Variants in AIG1 observed in about 807,000 individuals in gnomAD.
The protein encoded by AIG1 is androgen induced 1, also known as androgen-induced gene 1 protein.
AIG1 carries 23 observed loss-of-function variants against 31.4 expected under a neutral mutation model. The observed-to-expected ratio is 0.73, with a 90% CI of 0.53 to 1.04. The LOEUF (loss-of-function observed/expected upper bound fraction) is 1.04, where lower values mean the gene tolerates loss of function less well. Among genes scored for constraint, AIG1 ranks in the 50% least tolerant of loss-of-function variants. AIG1 has a pLI of 0.00. For synonymous variants in AIG1, 100 were observed against 110.5 expected (o/e 0.90, Z 0.60); for missense variants, 274 against 295.0 (o/e 0.93, Z 0.52).
intron 3 of AIG1, chr6:143,187,324 A>G: frequency 7.4e-7 from 1 of 1,353,880 alleles, no homozygotes; most frequent in Non-Finnish European, 1.0e-6. Flanking sequence ...GCAAATATGA[A>G]CTAATCAGAC....
chr6:143,214,758 C>A (rs374142295), intron 3 of AIG1, among the ~76,000 whole-genome samples: 1 of 152,146 alleles, frequency 6.6e-6, no homozygotes, highest in Non-Finnish European at 1.5e-5. Context: ...CCTTCCTCCC[C>A]CTGCACACCT....
intron 3 of AIG1, among the ~76,000 whole-genome samples, chr6:143,221,310 G>A (rs1009295088): frequency 2.6e-5 from 4 of 152,092 alleles, no homozygotes; most frequent in Non-Finnish European, 4.4e-5. Flanking sequence ...TTGATCAGGA[G>A]GAACCAGGTA....
intron 1 of AIG1, among the ~76,000 whole-genome samples, chr6:143,120,533 C>T (rs930753315): frequency 6.6e-6 from 1 of 152,012 alleles, no homozygotes; most frequent in African/African-American, 2.4e-5. Context: ...GGGGAACTCC[C>T]CTTTATAAAA....
chr6:143,342,948 T>C (rs1777884828), downstream of AIG1: 3 of 968,800 alleles, frequency 3.1e-6, no homozygotes, highest in South Asian at 3.8e-5. Flanking sequence ...TCTCCTTCAG[T>C]ATAGTGAACA....
intron 3 of AIG1, among the ~76,000 whole-genome samples, chr6:143,254,445 C>A (rs1355728063): frequency 1.3e-5 from 2 of 152,078 alleles, no homozygotes; most frequent in Non-Finnish European, 2.9e-5. Context: ...GATCCCACCG[C>A]GAGGCAAAGT....
Position 143,284,946 on chromosome 6 carries a change from C to T in AIG1, c.515+721C>T, listed in dbSNP as rs1797588351. On this transcript the variant is annotated intron_variant, in intron 4 of 5. Transcript: ENST00000357847. This position sits in a 1 kb window ranked among gnomAD's most constrained non-coding sequence, Gnocchi z 4.4. ...CTTATTTCTCTTTATAATTCCAAGT[C>T]CTCTTTGACATATTAACACGCACAG... is the stretch of plus-strand genomic sequence containing the variant. Among the ~76,000 whole-genome samples the T allele has an allele frequency of 1.3e-5, 2 of 152,092 alleles. No homozygotes were observed. Among genetic ancestry groups the T allele is most frequent in the African/African-American group, 2.4e-5 (1 of 41,402 alleles).
intron 2 of AIG1, among the ~76,000 whole-genome samples, chr6:143,141,010 T>G (rs946799360): frequency 1.3e-5 from 2 of 152,228 alleles, no homozygotes; most frequent in African/African-American, 2.4e-5. Context: ...TCTACTGTCT[T>G]TCTTTGCCTA....
chr6:143,224,397 A>G (rs1300131419), intron 3 of AIG1, among the ~76,000 whole-genome samples: 1 of 152,166 alleles, frequency 6.6e-6, no homozygotes, highest in Non-Finnish European at 1.5e-5. Context: ...GTGGGTCTGG[A>G]TTCAAATCCA....
At chr6:143,219,503 G>A (rs1390830652) in intron 3 of AIG1, among the ~76,000 whole-genome samples, 11 of 151,988 alleles carry the variant, frequency 7.2e-5, no homozygotes, top group Admixed American at 7.2e-4. Flanking sequence ...AAACAAAACT[G>A]GAGTCAATTG....
chr6:143,166,058 G>T (rs141162361), intron 3 of AIG1, among the ~76,000 whole-genome samples: 3 of 152,120 alleles, frequency 2.0e-5, no homozygotes, highest in African/African-American at 7.2e-5. Context: ...CATGAGTCTT[G>T]AGTACAAAAT....
chr6:143,206,833 T>C (rs1791148009), intron 3 of AIG1, among the ~76,000 whole-genome samples: 1 of 152,156 alleles, frequency 6.6e-6, no homozygotes, highest in Admixed American at 6.6e-5. Flanking sequence ...TCTTTGGTAA[T>C]AGGGCTGATG....
chr6:143,263,541 C>A (rs1795955259), intron 3 of AIG1, among the ~76,000 whole-genome samples: 1 of 152,030 alleles, frequency 6.6e-6, no homozygotes, highest in Admixed American at 6.5e-5. Flanking sequence ...GTAATACCCA[C>A]AAATTAAAGA....
intron 5 of AIG1, among the ~76,000 whole-genome samples, chr6:143,337,810 A>T (rs950977479): frequency 1.3e-5 from 2 of 152,180 alleles, no homozygotes; most frequent in Non-Finnish European, 2.9e-5. Context: ...CAGGAAGGGC[A>T]TGTGACTGAC....
intron 2 of AIG1, among the ~76,000 whole-genome samples, chr6:143,154,112 T>C (rs565257516): frequency 7.9e-5 from 12 of 151,914 alleles, no homozygotes; most frequent in Non-Finnish European, 1.2e-4. Flanking sequence ...GTTAAAAGCA[T>C]AGGGGTCTCA....
chr6:143,067,068 G>C (rs1485122678), intron 1 of AIG1, among the ~76,000 whole-genome samples: 1 of 151,976 alleles, frequency 6.6e-6, no homozygotes, highest in Non-Finnish European at 1.5e-5. Flanking sequence ...GTGGGGGCTG[G>C]GGCAGGAGGA....
intron 3 of AIG1, among the ~76,000 whole-genome samples, chr6:143,267,122 CA>C (rs1796211202): frequency 6.6e-6 from 1 of 152,098 alleles, no homozygotes; most frequent in African/African-American, 2.4e-5. Flanking sequence ...AAGATTCAAA[CA>C]TCTTTGTTCA....
At chr6:143,255,333 T>C (rs1795305961) in intron 3 of AIG1, among the ~76,000 whole-genome samples, 1 of 152,210 alleles carries the variant, frequency 6.6e-6, no homozygotes, top group South Asian at 2.1e-4. Context: ...CCCACGTATC[T>C]GGAGGCTGGA....
At chr6:143,239,852 A>T (rs1448172855) in intron 3 of AIG1, among the ~76,000 whole-genome samples, 1 of 152,220 alleles carries the variant, frequency 6.6e-6, no homozygotes, top group Non-Finnish European at 1.5e-5. Context: ...GCTTCATTAT[A>T]TTAACCGTAT....
At chr6:143,207,868 G>T (rs1165138790) in intron 3 of AIG1, among the ~76,000 whole-genome samples, 1 of 152,088 alleles carries the variant, frequency 6.6e-6, no homozygotes, top group African/African-American at 2.4e-5. Flanking sequence ...AATTCATTTT[G>T]CCTAAAAGGT....
Sources: allele counts gnomAD v4.1 joint callset (sites outside exome capture counted in the v4.1 genomes callset), GRCh38; gene constraint gnomAD v4.1.1; non-coding constraint Gnocchi (gnomAD v3.1); transcripts MANE v1.5; gene names NCBI Gene and HGNC (gene_info 2026-07-23, HGNC 2026-07-21).